The following DGKD variants were observed in gnomAD, a reference collection of about 807,000 sequenced individuals.
DGKD encodes the protein DAG kinase delta.
A neutral mutation model predicts 154.4 loss-of-function variants in DGKD; 68 were observed. The ratio of observed to expected loss-of-function variants is 0.44; its 90% CI spans 0.36 to 0.54. The LOEUF is 0.54. Among genes scored for constraint, DGKD ranks in the 20% least tolerant of loss-of-function variants. The probability of loss-of-function intolerance (pLI) is 0.00; values close to 1 mark genes in which losing one functional copy is unlikely to be tolerated. For synonymous variants in DGKD, 693 were observed against 638.0 expected (o/e 1.09, Z -1.30); for missense variants, 1,343 against 1,593.6 (o/e 0.84, Z 2.68).
intron 3 of DGKD, among the ~76,000 whole-genome samples, chr2:233,425,599 CAGTT>C (rs747439946): frequency 6.6e-6 from 1 of 152,324 alleles, no homozygotes; most frequent in East Asian, 1.9e-4. Context: ...GAGGTCCTCT[CAGTT>C]AGAGGTGACT....
intron 3 of DGKD, 31 bp from the exon 4 acceptor site, chr2:233,434,349 A>G (rs1380396107): frequency 1.9e-6 from 3 of 1,576,252 alleles, no homozygotes; most frequent in African/African-American, 1.4e-5. Context: ...CCTTTTGTTC[A>G]TGGATCTGTT....
intron 1 of DGKD, among the ~76,000 whole-genome samples, chr2:233,377,034 A>G (rs1702611700): frequency 6.7e-6 from 1 of 149,704 alleles, no homozygotes; most frequent in African/African-American, 2.5e-5. Context: ...CACACAAACA[A>G]TGTCCTCCTT....
rs2063217436 is a variant in DGKD, at chr2:233,449,973, C to T, written c.1889-9C>T. On this transcript the variant is annotated splice_polypyrimidine_tract_variant and intron_variant, in intron 15 of 29. Transcript: ENST00000264057. This position sits in a 1 kb window ranked among gnomAD's most constrained non-coding sequence, Gnocchi z 5.3. Reference sequence around the variant, plus strand: ...CGCGTGCTCAGCCGCACACACTCTCCTTGCACAGCTGTCGATGAGCAGAAT... The same window carrying T: ...CGCGTGCTCAGCCGCACACACTCTCTTTGCACAGCTGTCGATGAGCAGAAT... The T allele has an allele frequency of 3.8e-6, 6 of 1,588,684 alleles. No homozygotes were observed. Among genetic ancestry groups the T allele is most frequent in the Non-Finnish European group, 5.1e-6 (6 of 1,166,472 alleles).
chr2:233,360,926 G>T (rs1426492266), intron 1 of DGKD, among the ~76,000 whole-genome samples: 1 of 151,992 alleles, frequency 6.6e-6, no homozygotes, highest in Admixed American at 6.5e-5. Flanking sequence ...TAGAGGGAGT[G>T]CGGCCTTCTG....
chr2:233,355,403 T>A (rs1701490827), intron 1 of DGKD, among the ~76,000 whole-genome samples: 1 of 152,220 alleles, frequency 6.6e-6, no homozygotes, highest in Admixed American at 6.5e-5. Flanking sequence ...AGCTTACGGT[T>A]TTTGCTCCAG....
At chr2:233,446,822 C>T (rs993689948) in intron 12 of DGKD, 26 bp downstream of exon 12, 1 of 1,612,596 alleles carries the variant, frequency 6.2e-7, no homozygotes, top group African/African-American at 1.3e-5. Flanking sequence ...TCTTCACACC[C>T]TGCTCGCATG....
At chr2:233,379,695 T>C (rs1575003498) in intron 1 of DGKD, 1 of 152,254 alleles carries the variant, frequency 6.6e-6, no homozygotes, top group East Asian at 1.9e-4. Flanking sequence ...AGAACAAACT[T>C]GGTGTGCTTA....
At chr2:233,371,887 A>G (rs950969242) in intron 1 of DGKD, among the ~76,000 whole-genome samples, 12 of 152,228 alleles carry the variant, frequency 7.9e-5, no homozygotes, top group African/African-American at 2.4e-4. Context: ...GGAAATCTCA[A>G]TGGAGTTCAT....
chr2:233,390,570 C>A, intron 3 of DGKD, 87 bp downstream of exon 3: 2 of 940,388 alleles, frequency 2.1e-6, no homozygotes, highest in South Asian at 1.5e-5. Context: ...GCAGTTCAAA[C>A]GTTTTCATTC....
intron 3 of DGKD, among the ~76,000 whole-genome samples, chr2:233,397,550 G>A (rs1488536912): frequency 6.9e-6 from 1 of 144,476 alleles, no homozygotes; most frequent in Non-Finnish European, 1.5e-5. Context: ...GGGGGGGGCA[G>A]AGTGAGAGGA....
chr2:233,394,478 A>G (rs1290777689), intron 3 of DGKD, among the ~76,000 whole-genome samples: 1 of 151,688 alleles, frequency 6.6e-6, no homozygotes, highest in African/African-American at 2.4e-5. Context: ...TCCTGGCATC[A>G]AGTGATCCTC....
chr2:233,383,196 A>G (rs757463465), intron 1 of DGKD, among the ~76,000 whole-genome samples: 7 of 152,000 alleles, frequency 4.6e-5, no homozygotes, highest in Non-Finnish European at 1.0e-4. Flanking sequence ...ATCCGCCACC[A>G]TGCCCAGCTA....
At chr2:233,385,994 C>CGTGT (rs1354515749) in intron 1 of DGKD, 1 of 446,072 alleles carries the variant, frequency 2.2e-6, no homozygotes, top group Non-Finnish European at 4.7e-6. Context: ...TGTGCGTGTG[C>CGTGT]GTGTGTGTGC....
At chr2:233,362,378 C>T (rs560270140) in intron 1 of DGKD, among the ~76,000 whole-genome samples, 9 of 152,308 alleles carry the variant, frequency 5.9e-5, no homozygotes, top group Admixed American at 2.6e-4. Flanking sequence ...TGGCCAGGTG[C>T]AGTGACTCAC....
chr2:233,435,991 G>A, intron 6 of DGKD, 67 bp downstream of exon 6: 2 of 1,451,374 alleles, frequency 1.4e-6, no homozygotes, highest in East Asian at 2.3e-5. Context: ...CCCCATGCAA[G>A]CCTCCTCCCT....
rs1371716523 is a variant in DGKD at position 233,448,367 on chromosome 2, G to A, written c.1606G>A (p.Ala536Thr). 1 of 1,613,874 alleles carries A rather than the reference G, an allele frequency of 6.2e-7. No individual in the cohort carries two copies. The highest frequency in any genetic ancestry group is 1.7e-5 in the Admixed American group (1 of 59,996). The change falls in exon 14 of 30, where the codon GCC becomes ACC. Residue 536 changes from alanine (A) to threonine (T), a missense_variant. Physicochemically the swap from Ala to Thr is moderately conservative, Grantham distance 58 (BLOSUM62 0). Around this residue, in one of 6 missense-constraint regions of DGKD, gnomAD observed 409 missense variants for 446.0 expected, o/e 0.92. Transcript: ENST00000264057. ...TESSEESEVM[A>T]KKCSVLKEKL... ...GAGCTCGGAGGAGTCAGAGGTCATGGCCAAGAAGGTCTGTTCCCGTGCCCT... is the reference window on the plus strand; with the variant it reads ...GAGCTCGGAGGAGTCAGAGGTCATGACCAAGAAGGTCTGTTCCCGTGCCCT...
At chr2:233,397,542 G>T (rs1406292445) in intron 3 of DGKD, among the ~76,000 whole-genome samples, 1 of 126,762 alleles carries the variant, frequency 7.9e-6, no homozygotes, top group African/African-American at 2.9e-5. Flanking sequence ...GGCTGGGGGG[G>T]GGGGGCAGAG....
Position 233,441,982 on chromosome 2 carries a change from A to T in DGKD, c.1181A>T (p.Asn394Ile). ...GTCCTCTCCGAAATCGACAGCCTCAACCTTCATAAACAGGTACCAGGACAG... is the reference window on the plus strand; with the variant it reads ...GTCCTCTCCGAAATCGACAGCCTCATCCTTCATAAACAGGTACCAGGACAG... ...GWVLSEIDSL[N>I]LHKQCQLGVL... is the part of the protein sequence containing the mutation. Residue 394 changes from asparagine (N) to isoleucine (I), a missense_variant, in exon 10 of 30, where the codon AAC (asparagine) becomes ATC (isoleucine). By Grantham distance (149) the Asn-to-Ile change is moderately radical (BLOSUM62 -3). Coordinates refer to ENST00000264057, the MANE Select transcript of DGKD (RefSeq NM_152879.3). The surrounding 1 kb of genome is among the most constrained non-coding windows in gnomAD (Gnocchi z 5.6). The T allele has an allele frequency of 6.2e-7, 1 of 1,614,140 alleles. No homozygotes were observed.
intron 29 of DGKD, among the ~76,000 whole-genome samples, chr2:233,468,928 G>T (rs1196342021): frequency 6.6e-6 from 1 of 152,246 alleles, no homozygotes; most frequent in Non-Finnish European, 1.5e-5. Context: ...GGGAGGGGTG[G>T]TTGGGTGCCA....
Sources: gnomAD v4.1 joint callset for allele counts (sites outside exome capture counted in the v4.1 genomes callset) on GRCh38, gnomAD v4.1.1 for gene constraint, gnomAD v4.1.1 regional missense constraint, Gnocchi (gnomAD v3.1) non-coding constraint, MANE v1.5 for transcripts, NCBI Gene and HGNC (gene_info 2026-07-23, HGNC 2026-07-21) for gene names.